PIK3AP1: variants seen among roughly 807,000 people sequenced by gnomAD.
PIK3AP1 encodes the protein phosphoinositide 3-kinase adapter protein 1.
A neutral mutation model predicts 88.1 loss-of-function variants in PIK3AP1; 21 were observed. The observed-to-expected ratio is 0.24, with a 90% CI of 0.17 to 0.34. The LOEUF (loss-of-function observed/expected upper bound fraction) is 0.34, where lower values mean the gene tolerates loss of function less well. Ranked by LOEUF, PIK3AP1 falls within the 10% of genes least tolerant of loss-of-function variation. The probability of loss-of-function intolerance (pLI) is 1.00; values close to 1 mark genes in which losing one functional copy is unlikely to be tolerated. For synonymous variants in PIK3AP1, 398 were observed against 400.0 expected, an observed-to-expected ratio of 1.00 and a Z score of 0.06; for missense variants, 828 against 1,035.7, an observed-to-expected ratio of 0.80 and a Z score of 2.75.
At chr10:96,649,759 G>A (rs1315647602) in intron 6 of PIK3AP1, among the ~76,000 whole-genome samples, 1 of 152,050 alleles carries the variant, frequency 6.6e-6, no homozygotes, top group Non-Finnish European at 1.5e-5. Context: ...TTGAATGTTG[G>A]TCTTAATGCA....
chr10:96,690,233 A>T (rs1167465038), intron 2 of PIK3AP1, among the ~76,000 whole-genome samples: 1 of 152,104 alleles, frequency 6.6e-6, no homozygotes, highest in Non-Finnish European at 1.5e-5. Context: ...ATCCTTGGGC[A>T]GGTCATTTGT....
At chr10:96,607,892 T>G (rs1849029306) in intron 14 of PIK3AP1, among the ~76,000 whole-genome samples, 1 of 152,192 alleles carries the variant, frequency 6.6e-6, no homozygotes, top group Non-Finnish European at 1.5e-5. Context: ...AGGGTTGTTT[T>G]AAGCCACTAC....
rs1255268951 is a variant in PIK3AP1, at chr10:96,628,890, ATATATATATATATATATGTG to A, written c.1376-417_1376-398del. 1.3e-3 allele frequency among the ~76,000 whole-genome samples: 16 copies of A among 12,292 alleles called. 3 individuals carry two copies. Among genetic ancestry groups the A allele is most frequent in the South Asian group, 0.012 (3 of 250 alleles). The allele number at this position is 12,292 out of a possible 152,430, so 8.1% of individuals were successfully genotyped here. On this transcript the variant is annotated intron_variant, in intron 8 of 16. Coordinates refer to ENST00000339364, the MANE Select transcript of PIK3AP1 (RefSeq NM_152309.3). Reference sequence around the variant, plus strand: ...CATATATACACATATATATATATACATATATATATATATATATGTGTATATATATATATATATATGGCAAG... The same window carrying A: ...CATATATACACATATATATATATACATATATATATATATATATATGGCAAG...
intron 13 of PIK3AP1, 137 bp downstream of exon 13, chr10:96,616,502 G>A (rs890511924): frequency 3.5e-6 from 3 of 847,036 alleles, no homozygotes; most frequent in Admixed American, 4.3e-5. Context: ...CAGTCTAGTG[G>A]GGGACCCAGA....
chr10:96,679,153 T>A (rs1843964740), intron 2 of PIK3AP1, among the ~76,000 whole-genome samples: 1 of 152,218 alleles, frequency 6.6e-6, no homozygotes, highest in Non-Finnish European at 1.5e-5. Flanking sequence ...GATTTTTTTT[T>A]ATCATGGTCA....
chr10:96,698,708 G>C (rs1437924457), intron 2 of PIK3AP1, among the ~76,000 whole-genome samples: 1 of 151,996 alleles, frequency 6.6e-6, no homozygotes, highest in African/African-American at 2.4e-5. Context: ...ACTCCAGCTT[G>C]GGTGACAGAG....
chr10:96,674,010 C>T (rs1277365941), intron 2 of PIK3AP1, among the ~76,000 whole-genome samples: 1 of 152,158 alleles, frequency 6.6e-6, no homozygotes, highest in African/African-American at 2.4e-5. Flanking sequence ...TCATCCCTCA[C>T]CGTGAAAGGC....
chr10:96,719,895 G>C (rs909195864), intron 1 of PIK3AP1, among the ~76,000 whole-genome samples: 3 of 152,004 alleles, frequency 2.0e-5, no homozygotes, highest in Non-Finnish European at 4.4e-5. Context: ...GGGAGGGGTG[G>C]AGGAACGGGG....
At chr10:96,649,470 A>T (rs1395817750) in intron 6 of PIK3AP1, among the ~76,000 whole-genome samples, 1 of 152,262 alleles carries the variant, frequency 6.6e-6, no homozygotes, top group Non-Finnish European at 1.5e-5. Context: ...CTTAACTAGC[A>T]GCCACACAGT....
chr10:96,689,047 G>C (rs902443352), intron 2 of PIK3AP1, among the ~76,000 whole-genome samples: 1 of 152,096 alleles, frequency 6.6e-6, no homozygotes, highest in Admixed American at 6.5e-5. Flanking sequence ...AAGGCCCTCT[G>C]AGATAAAATG....
At chr10:96,706,281 G>A (rs950013075) in intron 2 of PIK3AP1, among the ~76,000 whole-genome samples, 1 of 152,144 alleles carries the variant, frequency 6.6e-6, no homozygotes, top group Admixed American at 6.5e-5. Context: ...CATGGGACTG[G>A]GCAGCTGGTG....
intron 4 of PIK3AP1, among the ~76,000 whole-genome samples, chr10:96,652,066 T>C (rs1171776093): frequency 6.6e-6 from 1 of 151,936 alleles, no homozygotes; most frequent in Admixed American, 6.6e-5. Flanking sequence ...ACTGGCTCAC[T>C]GCAAGTCATG....
intron 2 of PIK3AP1, among the ~76,000 whole-genome samples, chr10:96,690,889 C>T (rs1237793317): frequency 6.6e-6 from 1 of 152,156 alleles, no homozygotes; most frequent in Admixed American, 6.5e-5. Flanking sequence ...CTCTTTAGGG[C>T]TGGAGTTGGA....
At chr10:96,719,934 G>A (rs923500268) in intron 1 of PIK3AP1, among the ~76,000 whole-genome samples, 1 of 152,196 alleles carries the variant, frequency 6.6e-6, no homozygotes, top group African/African-American at 2.4e-5. Flanking sequence ...GGGCCTCCCC[G>A]GCTGATCTCT....
chr10:96,651,157 C>T (rs755715277), intron 6 of PIK3AP1, 91 bp downstream of exon 6: 23 of 1,526,012 alleles, frequency 1.5e-5, no homozygotes, highest in Non-Finnish European at 2.0e-5. Flanking sequence ...AGAGTTACAG[C>T]AGAAGGTAAA....
chr10:96,691,356 G>A (rs1167770538), intron 2 of PIK3AP1, among the ~76,000 whole-genome samples: 1 of 152,222 alleles, frequency 6.6e-6, no homozygotes, highest in Non-Finnish European at 1.5e-5. Context: ...GCACCTTAGA[G>A]CAATTGTGCC....
chr10:96,699,783 C>T (rs527520833), intron 2 of PIK3AP1, among the ~76,000 whole-genome samples: 2 of 152,340 alleles, frequency 1.3e-5, no homozygotes, highest in African/African-American at 4.8e-5. Context: ...GGGCAAGTCA[C>T]TGAACCTGCC....
intron 2 of PIK3AP1, among the ~76,000 whole-genome samples, chr10:96,688,426 ATTTC>A (rs1246965714): frequency 6.6e-6 from 1 of 152,214 alleles, no homozygotes; most frequent in Non-Finnish European, 1.5e-5. Flanking sequence ...CATGGCTCTC[ATTTC>A]TTTCTAAAAT....
intron 10 of PIK3AP1, among the ~76,000 whole-genome samples, chr10:96,624,990 G>C (rs1281318823): frequency 6.6e-6 from 1 of 152,186 alleles, no homozygotes; most frequent in Non-Finnish European, 1.5e-5. Flanking sequence ...AGCAGAACCC[G>C]AGACAAGGAT....
Sources: allele counts gnomAD v4.1 joint callset (sites outside exome capture counted in the v4.1 genomes callset), GRCh38; gene constraint gnomAD v4.1.1; transcripts MANE v1.5; gene names NCBI Gene and HGNC (gene_info 2026-07-23, HGNC 2026-07-21).